The following SGK2 variants were observed in gnomAD, a reference collection of about 807,000 sequenced individuals.
SGK2 encodes serum/glucocorticoid regulated kinase 2, also known as serine/threonine-protein kinase Sgk2.
In SGK2, 36 loss-of-function variants were observed where a neutral mutation model predicts 47.5. The observed-to-expected ratio is 0.76, with a 90% CI of 0.58 to 1.00. SGK2 has a LOEUF of 1.00. Among genes scored for constraint, SGK2 ranks in the 50% least tolerant of loss-of-function variants. The probability of loss-of-function intolerance (pLI) is 0.00; values close to 1 mark genes in which losing one functional copy is unlikely to be tolerated. For synonymous variants in SGK2, 157 were observed against 181.9 expected (o/e 0.86, Z 1.10); for missense variants, 404 against 467.4 (o/e 0.86, Z 1.25).
At chr20:43,570,321 G>A (rs1344141148) in intron 6 of SGK2, among the ~76,000 whole-genome samples, 1 of 152,206 alleles carries the variant, frequency 6.6e-6, no homozygotes, top group Non-Finnish European at 1.5e-5. Flanking sequence ...AAACTAGCAT[G>A]ACACTTGTAC....
rs1416308391 is a variant in SGK2 at position 43,582,680 on chromosome 20, G to A, written c.940-2172G>A. Among the ~76,000 whole-genome samples the A allele has an allele frequency of 5.4e-5, 8 of 146,932 alleles. No homozygotes were observed. The East Asian group carries it at 1.2e-3, about 23-fold the overall frequency. On this transcript the variant is annotated intron_variant, in intron 12 of 12. Transcript: ENST00000373100. ...TGGGATTACAGGCATGAGCCATCGC[G>A]CCTGGCTTTTATTTTTATATTTTTG... is the stretch of plus-strand genomic sequence containing the variant.
chr20:43,582,202 G>A (rs1412329971), intron 12 of SGK2, among the ~76,000 whole-genome samples: 1 of 147,062 alleles, frequency 6.8e-6, no homozygotes, highest in Non-Finnish European at 1.5e-5. Context: ...GTAGTTGGGA[G>A]GTGGGTGCCA....
In SGK2 at chr20:43,570,870, G is replaced by C; in HGVS notation, c.473+141G>C. ...GTGGGGTTGGAGTCTCCTCCTCCGA[G>C]GTCCAAGTGCCCAGCCTTTCTGGGC... is the stretch of plus-strand genomic sequence containing the variant. On this transcript the variant is annotated intron_variant, in intron 7 of 12. Coordinates refer to ENST00000373100, the MANE Select transcript of SGK2 (RefSeq NM_170693.3). 2.3e-6 allele frequency: 3 copies of C among 1,326,878 alleles called. No individual in the cohort carries two copies. The East Asian group carries it at 6.9e-5, about 31-fold the overall frequency. The allele number at this position is 1,326,878 out of a possible 1,614,324, so 82.2% of individuals were successfully genotyped here.
chr20:43,569,236 G>A lies in SGK2; in HGVS notation c.229-149G>A, dbSNP rs928855546. On this transcript the variant is annotated intron_variant, in intron 5 of 12. Coordinates refer to ENST00000373100, the MANE Select transcript of SGK2 (RefSeq NM_170693.3). ...AAGGAACTTGGGCCTGGCTCTAAGG[G>A]CAATAGGGAGCCATTGTGGGTGTTT... The A allele has an allele frequency of 1.0e-5, 10 of 978,150 alleles. No individual in the cohort carries two copies. In the African/African-American group the frequency reaches 1.6e-4, roughly 16 times the overall value. The allele number at this position is 978,150 out of a possible 1,614,324, so 60.6% of individuals were successfully genotyped here. A position where few individuals can be genotyped will look rare whatever the true frequency, so the allele number is the denominator to read the frequency against.
chr20:43,559,410 T>A (rs7262931), intron 1 of SGK2, among the ~76,000 whole-genome samples: 1 of 152,040 alleles, frequency 6.6e-6, no homozygotes, highest in Admixed American at 6.6e-5. Context: ...ACTGACTTCA[T>A]TTTTTCCTTT....
chr20:43,585,231 C>T lies in SGK2; in HGVS notation c.*215C>T. ...TGTATCTCTGCCCTGCCAACCTTGA[C>T]AAATGGCTTCCAATGTTAGGTTTGC... On this transcript the variant is annotated 3_prime_UTR_variant, in exon 13 of 13. Transcript: ENST00000373100. 1 of 370,006 alleles carries T rather than the reference C, an allele frequency of 2.7e-6. No individual in the cohort carries two copies. Among genetic ancestry groups the T allele is most frequent in the Non-Finnish European group, 5.0e-6 (1 of 201,722 alleles). 22.9% of individuals were successfully genotyped at this position (370,006 alleles called of 1,614,324 possible). A position where few individuals can be genotyped will look rare whatever the true frequency, so the allele number is the denominator to read the frequency against.
chr20:43,576,883 A>C (rs1980492301), intron 11 of SGK2, among the ~76,000 whole-genome samples: 1 of 152,244 alleles, frequency 6.6e-6, no homozygotes. Context: ...CGGAGGTTGC[A>C]GTGATCTGAG....
intron 3 of SGK2, 137 bp from the exon 4 acceptor site, chr20:43,567,528 G>C: frequency 1.3e-6 from 1 of 748,784 alleles, no homozygotes; most frequent in Admixed American, 2.4e-5. Context: ...GGGTTCTTCG[G>C]GGGTGAGGAG....
At chr20:43,564,441 A>G (rs998833706) in intron 1 of SGK2, among the ~76,000 whole-genome samples, 3 of 152,226 alleles carry the variant, frequency 2.0e-5, no homozygotes, top group Non-Finnish European at 4.4e-5. Flanking sequence ...GATGGTCTAC[A>G]CAGGGTTCGT....
At chr20:43,584,041 T>G (rs529805906) in intron 12 of SGK2, among the ~76,000 whole-genome samples, 2 of 152,212 alleles carry the variant, frequency 1.3e-5, no homozygotes, top group Admixed American at 1.3e-4. Flanking sequence ...TCTGTGGAGC[T>G]CTCTCATATC....
chr20:43,565,986 G>C (rs1979682132), intron 1 of SGK2: 1 of 220,546 alleles, frequency 4.5e-6, no homozygotes, highest in South Asian at 1.7e-4. Flanking sequence ...ATTCAGGGTT[G>C]CCATTGTTCC....
intron 12 of SGK2, among the ~76,000 whole-genome samples, chr20:43,582,025 TA>T (rs1980826586): frequency 6.6e-6 from 1 of 152,212 alleles, no homozygotes; most frequent in Admixed American, 6.5e-5. Flanking sequence ...TTCTTTGTCT[TA>T]TAGTAAAGAT....
chr20:43,562,505 C>T (rs1026221511), intron 1 of SGK2, among the ~76,000 whole-genome samples: 9 of 149,706 alleles, frequency 6.0e-5, no homozygotes, highest in Non-Finnish European at 1.3e-4. Context: ...CTTTGGGAGG[C>T]AGGGGTGGGT....
chr20:43,569,562 G>T, intron 6 of SGK2, 46 bp downstream of exon 6: 1 of 1,602,878 alleles, frequency 6.2e-7, no homozygotes. Flanking sequence ...CTCTCGGCTG[G>T]GAGCTGTCCA....
At chr20:43,583,747 T>C (rs1422729966) in intron 12 of SGK2, 3 of 316,944 alleles carry the variant, frequency 9.5e-6, no homozygotes, top group African/African-American at 4.5e-5. Flanking sequence ...GCTATTAGCA[T>C]TGCTTGAGGC....
intron 5 of SGK2, among the ~76,000 whole-genome samples, chr20:43,568,631 G>A (rs547252534): frequency 1.7e-4 from 26 of 152,122 alleles, no homozygotes; most frequent in Non-Finnish European, 3.1e-4. Flanking sequence ...AAAGGCACCC[G>A]CCACCACTCC....
chr20:43,560,290 G>T (rs1979302869), intron 1 of SGK2, among the ~76,000 whole-genome samples: 1 of 152,150 alleles, frequency 6.6e-6, no homozygotes, highest in African/African-American at 2.4e-5. Context: ...CCTGAGGTCA[G>T]GAGTTTGAGA....
In SGK2 at chr20:43,569,082, G is replaced by T. The variant is rs62224802; in HGVS notation, c.229-303G>T. Among the ~76,000 whole-genome samples, 8,083 of 152,226 alleles carry T rather than the reference G, an allele frequency of 0.053. 238 individuals carry two copies. The highest frequency in any genetic ancestry group is 0.074 in the African/African-American group (3,085 of 41,534). On this transcript the variant is annotated intron_variant, in intron 5 of 12. Transcript: ENST00000373100. The stretch of plus-strand genomic sequence containing the variant: ...GTGGCTTCTTTCCCTTAGGAACTCA[G>T]TTATGTAGGCATCACACATGCTTTG...
intron 6 of SGK2, 169 bp downstream of exon 6, chr20:43,569,685 C>T: frequency 1.5e-6 from 1 of 686,000 alleles, no homozygotes; most frequent in Non-Finnish European, 2.4e-6. Context: ...TTGCTCAAGG[C>T]CACCCAGCGC....
Sources: allele counts gnomAD v4.1 joint callset (sites outside exome capture counted in the v4.1 genomes callset), GRCh38; gene constraint gnomAD v4.1.1; transcripts MANE v1.5; gene names NCBI Gene and HGNC (gene_info 2026-07-23, HGNC 2026-07-21).